Variants in VPS54 observed in about 807,000 individuals in gnomAD.
VPS54 encodes the protein vacuolar protein sorting-associated protein 54.
A neutral mutation model predicts 121.5 loss-of-function variants in VPS54; 45 were observed. The ratio of observed to expected loss-of-function variants is 0.37; its 90% CI spans 0.29 to 0.47. The LOEUF (loss-of-function observed/expected upper bound fraction) is 0.47. VPS54 is among the 20% of genes least tolerant of loss of function. VPS54 has a pLI of 0.99. For synonymous variants in VPS54, 371 were observed against 385.8 expected (o/e 0.96, Z 0.45); for missense variants, 1,090 against 1,131.4 (o/e 0.96, Z 0.52).
At chr2:64,013,652 A>ATATATATTGATATATATATC (rs1005973922) in intron 1 of VPS54, among the ~76,000 whole-genome samples, 12 of 145,460 alleles carry the variant, frequency 8.2e-5, no homozygotes, top group Non-Finnish European at 1.3e-4. Context: ...CAATATATAG[A>ATATATATTGATATATATATC]TATATATTGA....
At chr2:63,899,259 A>G (rs1399493065) in intron 21 of VPS54, among the ~76,000 whole-genome samples, 1 of 152,232 alleles carries the variant, frequency 6.6e-6, no homozygotes, top group East Asian at 1.9e-4. Flanking sequence ...TGTTTATAAT[A>G]TAGTAAAGCT....
At chr2:63,964,796 A>T (rs548620065) in intron 6 of VPS54, among the ~76,000 whole-genome samples, 20 of 152,286 alleles carry the variant, frequency 1.3e-4, no homozygotes, top group African/African-American at 4.8e-4. Flanking sequence ...AAGCTTTCAG[A>T]TTGCCAGGGG....
In VPS54 at chr2:63,933,750, C is replaced by T; in HGVS notation, c.1662G>A (p.Glu554=). Residue 554 remains glutamate (E), a synonymous_variant, in exon 12 of 23, where the codon GAG becomes GAA. Coordinates refer to ENST00000272322, the MANE Select transcript of VPS54 (RefSeq NM_016516.3). ...SEPCSSDSVS[E]PECTTDSSSS... is the part of the protein sequence containing the mutation. ...ATGAAGAATCAGTAGTACATTCTGG[C>T]TCGGATACAGAATCACTGCTGCAGG... 1 of 1,613,856 alleles carries T rather than the reference C, an allele frequency of 6.2e-7. No homozygotes were observed. Among genetic ancestry groups the T allele is most frequent in the Admixed American group, 1.7e-5 (1 of 59,994 alleles).
At chr2:63,944,765 CTT>C in intron 9 of VPS54, 110 bp from the exon 10 acceptor site, 1 of 858,678 alleles carries the variant, frequency 1.2e-6, no homozygotes, top group Non-Finnish European at 1.7e-6. Flanking sequence ...TGAACAGACA[CTT>C]TTCAAAAAAG....
chr2:63,906,774 T>G (rs1198416080), intron 20 of VPS54, among the ~76,000 whole-genome samples: 1 of 152,232 alleles, frequency 6.6e-6, no homozygotes, highest in Non-Finnish European at 1.5e-5. Flanking sequence ...AATGTCAATT[T>G]CACCCCAACT....
chr2:63,974,975 G>A (rs1196095227), intron 3 of VPS54: 1 of 1,547,104 alleles, frequency 6.5e-7, no homozygotes, highest in Non-Finnish European at 8.7e-7. Context: ...AGTGACAGGG[G>A]ACATCCTTAC....
At chr2:63,984,363 T>G (rs750059656) in intron 1 of VPS54, among the ~76,000 whole-genome samples, 1 of 152,266 alleles carries the variant, frequency 6.6e-6, no homozygotes, top group African/African-American at 2.4e-5. Flanking sequence ...GCATGGGTTT[T>G]GAAGTATCCC....
At chr2:63,912,228 A>G in intron 20 of VPS54, 117 bp downstream of exon 20, 1 of 1,034,932 alleles carries the variant, frequency 9.7e-7, no homozygotes, top group Admixed American at 2.9e-5. Flanking sequence ...ACTAATTGGT[A>G]AATATCCTAT....
intron 5 of VPS54, among the ~76,000 whole-genome samples, chr2:63,968,384 T>C (rs898389875): frequency 1.3e-5 from 2 of 148,208 alleles, no homozygotes; most frequent in Non-Finnish European, 3.0e-5. Context: ...TCATTTTTAT[T>C]TGTCAATTAA....
rs201280229 is a variant in VPS54, at chr2:63,920,600, T to C, written c.1897A>G (p.Met633Val). The C allele has an allele frequency of 2.4e-4, 364 of 1,529,224 alleles. 5 individuals carry two copies. The South Asian group carries it at 4.4e-3, about 18-fold the overall frequency. The allele number at this position is 1,529,224 out of a possible 1,614,324, so 94.7% of individuals were successfully genotyped here. A position where few individuals can be genotyped will look rare whatever the true frequency, so the allele number is the denominator to read the frequency against. The change falls in exon 14 of 23, where the codon ATG (methionine) becomes GTG (valine). Residue 633 changes from methionine (M) to valine (V), a missense_variant. This residue lies in a region of VPS54 where 801 missense variants were observed against 757.0 expected (regional missense o/e 1.06). Coordinates refer to ENST00000272322, the MANE Select transcript of VPS54 (RefSeq NM_016516.3). Reference protein sequence around the residue: ...KDGFLEKLNSMEFITLSRLME... With the variant: ...KDGFLEKLNSVEFITLSRLME... ...AATCTAGAAAGTGTTATGAATTCCA[T>C]GGAATTTAGCTTCTCAAGAAAACCA...
At chr2:64,011,489 A>G (rs537571552) in intron 1 of VPS54, among the ~76,000 whole-genome samples, 4 of 152,218 alleles carry the variant, frequency 2.6e-5, no homozygotes, top group African/African-American at 9.6e-5. Flanking sequence ...TCGCTTGAAC[A>G]CAGAACGGGG....
chr2:63,974,121 T>C (rs1676410893), intron 3 of VPS54, among the ~76,000 whole-genome samples: 1 of 152,222 alleles, frequency 6.6e-6, no homozygotes, highest in Non-Finnish European at 1.5e-5. Flanking sequence ...TGAGCTAATT[T>C]CCATGAATAG....
chr2:63,989,754 T>G (rs921409230), intron 1 of VPS54, among the ~76,000 whole-genome samples: 1 of 152,126 alleles, frequency 6.6e-6, no homozygotes, highest in African/African-American at 2.4e-5. Context: ...TATATTACAC[T>G]CTGGTTAAAA....
chr2:64,010,750 T>C (rs1004661513), intron 1 of VPS54, among the ~76,000 whole-genome samples: 5 of 151,972 alleles, frequency 3.3e-5, no homozygotes, highest in Non-Finnish European at 7.4e-5. Context: ...TCACATATTA[T>C]TGCTCACAAA....
intron 1 of VPS54, among the ~76,000 whole-genome samples, chr2:63,985,680 TACACACAC>T (rs3079061): frequency 0.037 from 5,312 of 145,010 alleles, 110 homozygotes; most frequent in Middle Eastern, 0.059. Flanking sequence ...TGACAAATTA[TACACACAC>T]ACACACACAC....
At chr2:63,939,244 C>T (rs578241424) in intron 11 of VPS54, among the ~76,000 whole-genome samples, 2 of 151,982 alleles carry the variant, frequency 1.3e-5, no homozygotes, top group East Asian at 1.9e-4. Flanking sequence ...TGGTGGCGTG[C>T]GCCTATAATC....
chr2:63,969,113 TCAA>T, intron 4 of VPS54, 122 bp from the exon 5 acceptor site: 4 of 761,978 alleles, frequency 5.2e-6, no homozygotes, highest in Non-Finnish European at 6.3e-6. Context: ...GTTTATTCCT[TCAA>T]CAAATTATCT....
chr2:63,948,416 T>G (rs1384287362), intron 8 of VPS54, among the ~76,000 whole-genome samples: 2 of 97,416 alleles, frequency 2.1e-5, no homozygotes, highest in African/African-American at 8.3e-5. Flanking sequence ...CTTTTTCGGT[T>G]TTTTTTTTTT....
At chr2:64,015,639 A>G (rs1678649209) in intron 1 of VPS54, among the ~76,000 whole-genome samples, 1 of 152,236 alleles carries the variant, frequency 6.6e-6, no homozygotes, top group African/African-American at 2.4e-5. Flanking sequence ...AGACACTGCC[A>G]AATTTCCCTT....
Sources: allele counts gnomAD v4.1 joint callset (sites outside exome capture counted in the v4.1 genomes callset), GRCh38; gene constraint gnomAD v4.1.1; regional missense constraint gnomAD v4.1.1; transcripts MANE v1.5; gene names NCBI Gene and HGNC (gene_info 2026-07-23, HGNC 2026-07-21).